PAX3: variants seen among roughly 807,000 people sequenced by gnomAD.
PAX3 encodes the protein paired box 3.
A neutral mutation model predicts 51.6 loss-of-function variants in PAX3; 14 were observed. That is an observed-to-expected ratio of 0.27 (90% CI 0.18 to 0.42). PAX3 has a LOEUF of 0.42. PAX3 is among the 10% of genes least tolerant of loss of function. The pLI is 1.00. For synonymous variants in PAX3, 280 were observed against 253.4 expected, an observed-to-expected ratio of 1.11 and a Z score of -1.00; for missense variants, 540 against 642.8, an observed-to-expected ratio of 0.84 and a Z score of 1.73.
At chr2:222,260,578 GTTTTTTTTTTTTGTTTTTTTTTT>G (rs1315617333) in intron 4 of PAX3, among the ~76,000 whole-genome samples, 1 of 61,690 alleles carries the variant, frequency 1.6e-5, no homozygotes, top group African/African-American at 6.2e-5. Context: ...TTTTTTTTTT[GTTTTTTTTTTTTGTTTTTTTTTT>G]TTTTTTTTGA....
intron 4 of PAX3, among the ~76,000 whole-genome samples, chr2:222,267,298 G>A (rs1468622492): frequency 6.6e-6 from 1 of 152,134 alleles, no homozygotes; most frequent in Admixed American, 6.5e-5. Flanking sequence ...CAATTAAAAA[G>A]TACTCCATAT....
intron 4 of PAX3, among the ~76,000 whole-genome samples, chr2:222,235,906 AG>A (rs1327425828): frequency 6.6e-6 from 1 of 152,270 alleles, no homozygotes; most frequent in Non-Finnish European, 1.5e-5. Context: ...AGCAATGGAA[AG>A]GTTGCATCTA....
intron 4 of PAX3, among the ~76,000 whole-genome samples, chr2:222,254,909 A>C (rs1424172258): frequency 6.6e-6 from 1 of 152,004 alleles, no homozygotes; most frequent in African/African-American, 2.4e-5. Context: ...CAGCCTCCCA[A>C]GTAGCTGGTA....
chr2:222,232,154 T>C lies in PAX3; in HGVS notation c.716A>G (p.Glu239Gly). ...EQLEELERAF[E>G]RTHYPDIYTR... Reference sequence around the variant, plus strand: ...ATAAATGTCAGGGTAATGAGTTCTCTCAAAAGCACGCTCCAGTTCCTCCAG... The same window carrying C: ...ATAAATGTCAGGGTAATGAGTTCTCCCAAAAGCACGCTCCAGTTCCTCCAG... The change falls in exon 5 of 9, where the codon GAG becomes GGG. Residue 239 changes from glutamate to glycine, a missense_variant. Transcript: ENST00000392070. 6.2e-7 allele frequency: 1 copy of C among 1,614,070 alleles called. No homozygotes were observed. Among genetic ancestry groups the C allele is most frequent in the Non-Finnish European group, 8.5e-7 (1 of 1,179,972 alleles).
intron 7 of PAX3, among the ~76,000 whole-genome samples, chr2:222,206,679 A>G (rs368856073): frequency 1.6e-4 from 25 of 152,306 alleles, no homozygotes; most frequent in East Asian, 1.3e-3. Flanking sequence ...CAATTGCTCC[A>G]TGCCATATTT....
chr2:222,293,519 TA>T, intron 4 of PAX3: 1 of 1,069,110 alleles, frequency 9.4e-7, no homozygotes, highest in Non-Finnish European at 1.4e-6. Context: ...GCCAGCACTC[TA>T]AGAACCCAGA....
At chr2:222,257,206 AT>A (rs11351476) in intron 4 of PAX3, among the ~76,000 whole-genome samples, 33,101 of 149,036 alleles carry the variant, frequency 0.22, 4,098 homozygotes, top group East Asian at 0.4. Context: ...ATGGCTCAGC[AT>A]TTTTTTTTTT....
intron 4 of PAX3, among the ~76,000 whole-genome samples, chr2:222,284,671 G>T (rs1314517617): frequency 6.6e-6 from 1 of 152,046 alleles, no homozygotes; most frequent in Non-Finnish European, 1.5e-5. Context: ...TCTAAGCCCT[G>T]AATTAGGCTT....
intron 4 of PAX3, among the ~76,000 whole-genome samples, chr2:222,275,107 ATT>A (rs1694373210): frequency 6.6e-6 from 1 of 152,220 alleles, no homozygotes; most frequent in African/African-American, 2.4e-5. Context: ...TTTAATTTCG[ATT>A]CAAAGTTCAA....
chr2:222,215,902 C>T (rs1691936175), intron 7 of PAX3, among the ~76,000 whole-genome samples: 1 of 152,110 alleles, frequency 6.6e-6, no homozygotes, highest in African/African-American at 2.4e-5. Flanking sequence ...CGTATTTTGT[C>T]ATTCATTATA....
At chr2:222,260,281 T>C (rs1693793511) in intron 4 of PAX3, among the ~76,000 whole-genome samples, 1 of 152,010 alleles carries the variant, frequency 6.6e-6, no homozygotes, top group Non-Finnish European at 1.5e-5. Context: ...AAAATAAGAA[T>C]TGCTTGAGCC....
At chr2:222,280,374 GGGAA>G (rs147944858) in intron 4 of PAX3, among the ~76,000 whole-genome samples, 14,541 of 144,414 alleles carry the variant, frequency 0.1, 814 homozygotes, top group South Asian at 0.15. Context: ...AGAAATAAAG[GGGAA>G]GGAAGGAAGG....
At chr2:222,265,321 G>A (rs1005498684) in intron 4 of PAX3, among the ~76,000 whole-genome samples, 2 of 152,026 alleles carry the variant, frequency 1.3e-5, no homozygotes, top group African/African-American at 2.4e-5. Context: ...TAGGTTCTAC[G>A]CTTTCCCCGT....
chr2:222,212,677 C>A (rs1228617545), intron 7 of PAX3, among the ~76,000 whole-genome samples: 1 of 151,522 alleles, frequency 6.6e-6, no homozygotes, highest in African/African-American at 2.4e-5. Context: ...CAACTAATGA[C>A]TAAATCAAGT....
intron 4 of PAX3, among the ~76,000 whole-genome samples, chr2:222,256,854 T>C (rs573215186): frequency 6.6e-6 from 1 of 152,334 alleles, no homozygotes; most frequent in East Asian, 1.9e-4. Context: ...CCAAAACTTA[T>C]TCTACCTCTA....
chr2:222,242,527 C>T (rs1693056033), intron 4 of PAX3: 1 of 152,194 alleles, frequency 6.6e-6, no homozygotes, highest in Non-Finnish European at 1.5e-5. Context: ...ATGTTACCTA[C>T]CTGATTCATG....
intron 4 of PAX3, among the ~76,000 whole-genome samples, chr2:222,233,886 T>G (rs1692702045): frequency 1.3e-5 from 2 of 152,116 alleles, no homozygotes; most frequent in Non-Finnish European, 2.9e-5. Context: ...ACTAACTCAT[T>G]TGCACCCTCA....
At chr2:222,270,456 C>T (rs943313994) in intron 4 of PAX3, among the ~76,000 whole-genome samples, 4 of 152,106 alleles carry the variant, frequency 2.6e-5, no homozygotes, top group South Asian at 2.1e-4. Flanking sequence ...ATTTTGCATT[C>T]GTGCAATAAA....
At chr2:222,293,145 AC>A (rs1462989160) in intron 4 of PAX3, among the ~76,000 whole-genome samples, 1 of 152,030 alleles carries the variant, frequency 6.6e-6, no homozygotes, top group Admixed American at 6.6e-5. Flanking sequence ...TCCAAAACTA[AC>A]TTTGCCCAAT....
Sources: gnomAD v4.1 joint callset for allele counts (sites outside exome capture counted in the v4.1 genomes callset) on GRCh38, gnomAD v4.1.1 for gene constraint, MANE v1.5 for transcripts, NCBI Gene and HGNC (gene_info 2026-07-23, HGNC 2026-07-21) for gene names.